ULK2: variants seen among roughly 807,000 people sequenced by gnomAD.
The protein encoded by ULK2 is serine/threonine-protein kinase ULK2.
Under a neutral mutation model 127.5 loss-of-function variants are expected in ULK2, and 76 were observed. The observed-to-expected ratio is 0.60, with a 90% confidence interval of 0.50 to 0.72. The LOEUF is 0.72. ULK2 is among the 30% of genes least tolerant of loss of function. The probability of loss-of-function intolerance (pLI) is 0.00; values close to 1 mark genes in which losing one functional copy is unlikely to be tolerated. For synonymous variants in ULK2, 452 were observed against 461.9 expected (o/e 0.98, Z 0.28); for missense variants, 1,144 against 1,295.9 (o/e 0.88, Z 1.80).
At chr17:19,812,978 C>T (rs181065783) in intron 13 of ULK2, among the ~76,000 whole-genome samples, 9 of 152,038 alleles carry the variant, frequency 5.9e-5, no homozygotes, top group African/African-American at 1.4e-4. Flanking sequence ...AACTGCAGAA[C>T]AGCAGGAAAA....
intron 1 of ULK2, among the ~76,000 whole-genome samples, chr17:19,866,961 T>C (rs917310112): frequency 1.3e-5 from 2 of 152,164 alleles, no homozygotes; most frequent in Non-Finnish European, 1.5e-5. Context: ...TGACCAGCCC[T>C]GGGCACGGGG....
chr17:19,797,913 C>A (rs762272752), intron 17 of ULK2, among the ~76,000 whole-genome samples: 1 of 152,080 alleles, frequency 6.6e-6, no homozygotes, highest in African/African-American at 2.4e-5. Flanking sequence ...AGGTTATTAG[C>A]TGTTTTTAAT....
intron 6 of ULK2, among the ~76,000 whole-genome samples, chr17:19,846,091 A>C (rs2041874895): frequency 6.6e-6 from 1 of 152,176 alleles, no homozygotes; most frequent in Admixed American, 6.5e-5. Flanking sequence ...GTGCCACAGC[A>C]CTCCAGCCTG....
intron 24 of ULK2, 115 bp downstream of exon 24, chr17:19,780,871 G>A: frequency 7.2e-6 from 8 of 1,116,388 alleles, no homozygotes; most frequent in Non-Finnish European, 1.0e-5. Flanking sequence ...TTCCCTTTAA[G>A]AATACTGAAA....
chr17:19,778,937 G>C (rs1055906551), intron 25 of ULK2, among the ~76,000 whole-genome samples: 10 of 152,162 alleles, frequency 6.6e-5, no homozygotes, highest in Admixed American at 1.3e-4. Flanking sequence ...TTTATTCTGA[G>C]AAGGAAAAAC....
chr17:19,846,865 T>C lies in ULK2; in HGVS notation c.341A>G (p.Gln114Arg), dbSNP rs2041895929. The C allele has an allele frequency of 6.2e-7, 1 of 1,613,906 alleles. No homozygotes were observed. The highest frequency in any genetic ancestry group is 8.5e-7 in the Non-Finnish European group (1 of 1,179,934). ...SEDTIRVFLH[Q>R]IAAAMRILHS... ...CAGGATTCGCATGGCAGCAGCAATC[T>C]GATGCAGAAACACTCTGATCGTGTC... The change falls in exon 6 of 27, where the codon CAG becomes CGG. Residue 114 changes from glutamine (Q) to arginine (R), a missense_variant. Physicochemically the swap from Gln to Arg is conservative, Grantham distance 43 (BLOSUM62 1). Coordinates refer to ENST00000395544, the MANE Select transcript of ULK2 (RefSeq NM_014683.4).
At chr17:19,837,351 G>T (rs1366340529) in intron 10 of ULK2, among the ~76,000 whole-genome samples, 1 of 152,016 alleles carries the variant, frequency 6.6e-6, no homozygotes, top group Non-Finnish European at 1.5e-5. Flanking sequence ...GCCTGGGAAA[G>T]TCAAGGCTGC....
At chr17:19,808,001 G>A (rs2087550342) in intron 14 of ULK2, among the ~76,000 whole-genome samples, 1 of 152,174 alleles carries the variant, frequency 6.6e-6, no homozygotes, top group South Asian at 2.1e-4. Flanking sequence ...AGCTACCCTG[G>A]AGGCTGAGGC....
chr17:19,828,273 A>C (rs2041345207), intron 10 of ULK2, among the ~76,000 whole-genome samples: 1 of 152,224 alleles, frequency 6.6e-6, no homozygotes, highest in African/African-American at 2.4e-5. Context: ...AGAGTACTTC[A>C]GGTTGAAATG....
chr17:19,780,685 C>T, intron 24 of ULK2, 56 bp from the exon 25 acceptor site: 1 of 1,521,556 alleles, frequency 6.6e-7, no homozygotes, highest in South Asian at 1.3e-5. Flanking sequence ...AATAAAGACA[C>T]AGTTATATGT....
At position 19,774,999 on chromosome 17, in the gene ULK2, C is replaced by T. The variant is rs547487253; in HGVS notation, c.*1350G>A. ...TTACTTTGTCAAAGTAAAGGAAAAC[C>T]ATGTTTGTTTTTATCAGTACATTAA... On this transcript the variant is annotated 3_prime_UTR_variant, in exon 27 of 27. Coordinates refer to ENST00000395544, the MANE Select transcript of ULK2 (RefSeq NM_014683.4). 1 of 152,602 alleles carries T rather than the reference C, an allele frequency of 6.6e-6. No homozygotes were observed. Among genetic ancestry groups the T allele is most frequent in the South Asian group, 2.1e-4 (1 of 4,818 alleles). 9.5% of individuals were successfully genotyped at this position (152,602 alleles called of 1,614,324 possible).
chr17:19,815,820 G>A lies in ULK2; in HGVS notation c.1096+929C>T, dbSNP rs550973019. Among the ~76,000 whole-genome samples, 6 of 151,970 alleles carry A rather than the reference G, an allele frequency of 3.9e-5. No homozygotes were observed. In the East Asian group the frequency reaches 9.7e-4, roughly 25 times the overall value. On this transcript the variant is annotated intron_variant, in intron 13 of 26. Coordinates refer to ENST00000395544, the MANE Select transcript of ULK2 (RefSeq NM_014683.4). Reference sequence around the variant, plus strand: ...GTATACATTTGTAACAAACCTGCACGTTGTGCACATGTACCCTAAAACCTA... The same window carrying A: ...GTATACATTTGTAACAAACCTGCACATTGTGCACATGTACCCTAAAACCTA...
At chr17:19,813,371 A>G (rs2040890788) in intron 13 of ULK2, among the ~76,000 whole-genome samples, 2 of 152,212 alleles carry the variant, frequency 1.3e-5, no homozygotes, top group Admixed American at 1.3e-4. Context: ...AAAACATGAG[A>G]GCATAAAAGA....
chr17:19,839,966 C>CAT (rs2041699422), intron 9 of ULK2, among the ~76,000 whole-genome samples: 1 of 114,404 alleles, frequency 8.7e-6, no homozygotes, highest in Admixed American at 8.7e-5. Context: ...CACACACATA[C>CAT]ACACACACAC....
chr17:19,831,230 C>T (rs899324509), intron 10 of ULK2, among the ~76,000 whole-genome samples: 1 of 152,092 alleles, frequency 6.6e-6, no homozygotes, highest in Admixed American at 6.6e-5. Flanking sequence ...CTCACTATCA[C>T]GAGAACAGCA....
chr17:19,804,784 G>T lies in ULK2; in HGVS notation c.1204C>A (p.Pro402Thr), dbSNP rs2087479059. The change falls in exon 15 of 27, where the codon CCA becomes ACA. Residue 402 changes from proline (P) to threonine (T), a missense_variant. Physicochemically the swap from Pro to Thr is conservative, Grantham distance 38. This residue lies in a region of ULK2 where 913 missense variants were observed against 970.5 expected (regional missense o/e 0.94). Coordinates refer to ENST00000395544, the MANE Select transcript of ULK2 (RefSeq NM_014683.4). ...TAATTCCTTATTTGAGTAGGAACTGGAATTGGTGCTGTTTCGCTGTGAGGT... is the reference window on the plus strand; with the variant it reads ...TAATTCCTTATTTGAGTAGGAACTGTAATTGGTGCTGTTTCGCTGTGAGGT... ...VSPHSETAPI[P>T]VPTQIRNYQR... 1.2e-6 allele frequency: 2 copies of T among 1,612,780 alleles called. No individual in the cohort carries two copies.
chr17:19,852,811 T>C (rs1265182097), intron 3 of ULK2, among the ~76,000 whole-genome samples: 1 of 151,360 alleles, frequency 6.6e-6, no homozygotes, highest in Admixed American at 6.6e-5. Flanking sequence ...TTTGTTGTTG[T>C]TGTTGTTGTT....
intron 14 of ULK2, among the ~76,000 whole-genome samples, chr17:19,806,493 C>G (rs561297581): frequency 6.6e-6 from 1 of 152,168 alleles, no homozygotes; most frequent in Non-Finnish European, 1.5e-5. Flanking sequence ...GGTTCCTCCC[C>G]CTACCAGCAT....
chr17:19,816,808 G>A lies in ULK2; in HGVS notation c.1037C>T (p.Ser346Phe), dbSNP rs1409316484. 3 of 1,611,150 alleles carry A rather than the reference G, an allele frequency of 1.9e-6. No individual in the cohort carries two copies. Among genetic ancestry groups the A allele is most frequent in the African/African-American group, 2.7e-5 (2 of 74,794 alleles). Residue 346 changes from serine to phenylalanine, a missense_variant, in exon 13 of 27, where the codon TCT becomes TTT. By Grantham distance (155) the Ser-to-Phe change is radical (BLOSUM62 -2). Coordinates refer to ENST00000395544, the MANE Select transcript of ULK2 (RefSeq NM_014683.4). ...AACAAAGTCATCCGTGTCACAAGAA[G>A]AGTTCTTGCTACTAGTACTGGCAGA... ...KDSASTSSKN[S>F]SCDTDDFVLV...
Sources: gnomAD v4.1 joint callset for allele counts (sites outside exome capture counted in the v4.1 genomes callset) on GRCh38, gnomAD v4.1.1 for gene constraint, gnomAD v4.1.1 regional missense constraint, MANE v1.5 for transcripts, NCBI Gene and HGNC (gene_info 2026-07-23, HGNC 2026-07-21) for gene names.